BRPF3: variants seen among roughly 807,000 people sequenced by gnomAD.
BRPF3 encodes bromodomain and PHD finger containing 3.
In BRPF3, 18 loss-of-function variants were observed where a neutral mutation model predicts 102.0. The ratio of observed to expected loss-of-function variants is 0.18; its 90% CI spans 0.12 to 0.26. BRPF3 has a LOEUF of 0.26. BRPF3 is among the 10% of genes least tolerant of loss of function. The probability of loss-of-function intolerance (pLI) is 1.00; values close to 1 mark genes in which losing one functional copy is unlikely to be tolerated. For synonymous variants in BRPF3, 570 were observed against 614.2 expected, an observed-to-expected ratio of 0.93 and a Z score of 1.06; for missense variants, 1,147 against 1,567.8, an observed-to-expected ratio of 0.73 and a Z score of 4.53.
chr6:36,225,903 C>G (rs1768723657), intron 11 of BRPF3, among the ~76,000 whole-genome samples: 1 of 152,176 alleles, frequency 6.6e-6, no homozygotes, highest in South Asian at 2.1e-4. Flanking sequence ...TATCCACTTA[C>G]TCTTTTACAA....
intron 10 of BRPF3, among the ~76,000 whole-genome samples, chr6:36,223,266 G>C (rs1472761681): frequency 1.3e-5 from 2 of 152,122 alleles, no homozygotes; most frequent in African/African-American, 4.8e-5. Context: ...CTTAGCATCA[G>C]TTTCTTTCTC....
intron 11 of BRPF3, 70 bp from the exon 12 acceptor site, chr6:36,228,832 G>C (rs1746678529): frequency 3.2e-6 from 5 of 1,562,828 alleles, no homozygotes; most frequent in East Asian, 2.2e-5. Context: ...TTCAGCAGTT[G>C]GTCCTGCAGC....
chr6:36,198,983 G>A (rs1421424423), intron 1 of BRPF3, among the ~76,000 whole-genome samples: 1 of 152,148 alleles, frequency 6.6e-6, no homozygotes, highest in Non-Finnish European at 1.5e-5. Flanking sequence ...CTTGGCCTTC[G>A]GTCGAATGAA....
intron 1 of BRPF3, among the ~76,000 whole-genome samples, chr6:36,198,892 G>A (rs1402651101): frequency 6.6e-6 from 1 of 152,188 alleles, no homozygotes; most frequent in East Asian, 1.9e-4. Flanking sequence ...TACAAGGATA[G>A]ACTAGATATG....
chr6:36,211,199 C>T, intron 6 of BRPF3, 59 bp from the exon 7 acceptor site: 2 of 1,541,660 alleles, frequency 1.3e-6, no homozygotes, highest in Non-Finnish European at 1.8e-6. Flanking sequence ...CGGCCCCTTT[C>T]TCTTGCCCTG....
chr6:36,228,703 G>GA (rs1004024108), intron 11 of BRPF3, among the ~76,000 whole-genome samples, 199 bp from the exon 12 acceptor site: 3 of 151,026 alleles, frequency 2.0e-5, no homozygotes, highest in African/African-American at 4.9e-5. Flanking sequence ...AAATTGACAG[G>GA]AAAAAAAAAG....
rs1057164553 is a variant in BRPF3, at chr6:36,230,714, A to C, written c.*105A>C. 36 of 1,336,308 alleles carry C rather than the reference A, an allele frequency of 2.7e-5. No individual in the cohort carries two copies. Among genetic ancestry groups the C allele is most frequent in the Non-Finnish European group, 3.2e-5 (31 of 982,774 alleles). The allele number at this position is 1,336,308 out of a possible 1,614,324, so 82.8% of individuals were successfully genotyped here. ...GTATGGCCGGCAGCTTCCCCCTCTC[A>C]TGGTAGGCCAGGGACTGGGCTTTCT... On this transcript the variant is annotated 3_prime_UTR_variant, in exon 13 of 13. Coordinates refer to ENST00000357641, the MANE Select transcript of BRPF3 (RefSeq NM_015695.3). The surrounding 1 kb of genome is among the most constrained non-coding windows in gnomAD (Gnocchi z 5.4).
Position 36,231,020 on chromosome 6 carries a change from G to A in BRPF3, c.*411G>A, listed in dbSNP as rs1246629964. 5 of 174,070 alleles carry A rather than the reference G, an allele frequency of 2.9e-5. No homozygotes were observed. Among genetic ancestry groups the A allele is most frequent in the East Asian group, 1.6e-4 (1 of 6,166 alleles). The allele number at this position is 174,070 out of a possible 1,614,324, so 10.8% of individuals were successfully genotyped here. On this transcript the variant is annotated 3_prime_UTR_variant, in exon 13 of 13. Transcript: ENST00000357641. ...TTCCGACACTGATCCCAGAGATGCC[G>A]TGGATACGCCAGGGTCCCAGGGGGA...
intron 8 of BRPF3, among the ~76,000 whole-genome samples, chr6:36,215,940 T>C (rs1768314317): frequency 6.6e-6 from 1 of 152,210 alleles, no homozygotes; most frequent in Non-Finnish European, 1.5e-5. Flanking sequence ...CTTTGGACTG[T>C]GTGGCCAGCA....
chr6:36,221,624 A>G (rs1197158611), intron 9 of BRPF3, among the ~76,000 whole-genome samples: 1 of 152,228 alleles, frequency 6.6e-6, no homozygotes, highest in Admixed American at 6.5e-5. Context: ...TCTATCCAAG[A>G]AAAACTTCAC....
intron 2 of BRPF3, among the ~76,000 whole-genome samples, chr6:36,203,859 C>T (rs1027722244): frequency 1.3e-5 from 2 of 152,188 alleles, no homozygotes; most frequent in African/African-American, 2.4e-5. Context: ...GTTACTTTGA[C>T]AGTTTATTCA....
chr6:36,218,336 C>T (rs1768406048), intron 9 of BRPF3, among the ~76,000 whole-genome samples: 1 of 152,188 alleles, frequency 6.6e-6, no homozygotes, highest in Admixed American at 6.5e-5. Context: ...GCTGCCCCTA[C>T]ACACATTTAG....
chr6:36,225,409 C>T (rs778424882), intron 11 of BRPF3, 45 bp downstream of exon 11: 2 of 1,519,378 alleles, frequency 1.3e-6, no homozygotes, highest in East Asian at 4.5e-5. Context: ...CCTGCCTTGC[C>T]TTGGGGGCTA....
intron 3 of BRPF3, among the ~76,000 whole-genome samples, chr6:36,206,474 G>T (rs1026939059): frequency 6.6e-6 from 1 of 152,144 alleles, no homozygotes; most frequent in Non-Finnish European, 1.5e-5. Context: ...AGGCTCTTTT[G>T]CCTTACATTT....
chr6:36,201,760 C>T lies in BRPF3; in HGVS notation c.1438C>T (p.Pro480Ser). 3 of 1,603,252 alleles carry T rather than the reference C, an allele frequency of 1.9e-6. No individual in the cohort carries two copies. The highest frequency in any genetic ancestry group is 1.7e-5 in the Admixed American group (1 of 58,974). ...CCCCATGCTTGCTGTCCCACAGATA[C>T]CCTCTTACAGGTAAGCATGCCCAGA... Reference protein sequence around the residue: ...TLPMLAVPQIPSYRLNKICSG... With the variant: ...TLPMLAVPQISSYRLNKICSG... The change falls in exon 2 of 13, where the codon CCC (proline) becomes TCC (serine). Residue 480 changes from proline (P) to serine (S), a missense_variant. This residue lies in a region of BRPF3 where 157 missense variants were observed against 163.6 expected (regional missense o/e 0.96). Transcript: ENST00000357641. This position sits in a 1 kb window ranked among gnomAD's most constrained non-coding sequence, Gnocchi z 5.1.
intron 8 of BRPF3, among the ~76,000 whole-genome samples, chr6:36,215,563 G>GT (rs539071070): frequency 2.6e-5 from 4 of 152,258 alleles, no homozygotes; most frequent in Admixed American, 1.3e-4. Context: ...GTGGTGGACA[G>GT]TATGTTGTTA....
intron 6 of BRPF3, 66 bp from the exon 7 acceptor site, chr6:36,211,192 C>A: frequency 6.7e-7 from 1 of 1,501,142 alleles, no homozygotes. Context: ...AAGGATTCGG[C>A]CCCTTTCTCT....
intron 4 of BRPF3, 79 bp downstream of exon 4, chr6:36,207,523 G>A: frequency 6.5e-7 from 1 of 1,535,222 alleles, no homozygotes; most frequent in Admixed American, 2.0e-5. Flanking sequence ...GGGAAATCTG[G>A]GAGCCCCTGC....
chr6:36,223,881 T>A (rs531348781), intron 10 of BRPF3, among the ~76,000 whole-genome samples: 6 of 152,328 alleles, frequency 3.9e-5, no homozygotes, highest in Admixed American at 6.5e-5. Context: ...TTTAAATGGC[T>A]CTTCAGACAT....
Sources: gnomAD v4.1 joint callset for allele counts (sites outside exome capture counted in the v4.1 genomes callset) on GRCh38, gnomAD v4.1.1 for gene constraint, gnomAD v4.1.1 regional missense constraint, Gnocchi (gnomAD v3.1) non-coding constraint, MANE v1.5 for transcripts, NCBI Gene and HGNC (gene_info 2026-07-23, HGNC 2026-07-21) for gene names.